COL21A1: variants seen among roughly 807,000 people sequenced by gnomAD.
COL21A1 encodes the protein collagen alpha-1(XXI) chain.
Under a neutral mutation model 137.9 loss-of-function variants are expected in COL21A1, and 149 were observed. That is an observed-to-expected ratio of 1.08 (90% CI 0.95 to 1.24). The LOEUF (loss-of-function observed/expected upper bound fraction) is 1.24, where lower values mean the gene tolerates loss of function less well. Among genes scored for constraint, COL21A1 ranks in the 50% most tolerant of loss-of-function variants. COL21A1 has a pLI of 0.00. For missense variants in COL21A1, 1,167 were observed against 1,158.4 expected, an observed-to-expected ratio of 1.01 and a Z score of -0.11; for synonymous variants, 456 against 391.5, an observed-to-expected ratio of 1.16 and a Z score of -1.95.
In COL21A1 at chr6:56,234,344, T is replaced by C. The variant is rs1247142410; in HGVS notation, c.-39+13043A>G. Among the ~76,000 whole-genome samples, 3 of 151,590 alleles carry C rather than the reference T, an allele frequency of 2.0e-5. No individual in the cohort carries two copies. In the East Asian group the frequency reaches 5.8e-4, roughly 29 times the overall value. On this transcript the variant is annotated intron_variant, in intron 1 of 29. Transcript: ENST00000244728. ...AAGAAAATAAATATAGTATGAAAAA[T>C]AGAATTCAAAGCAAAAGTATTAAAC...
chr6:56,198,622 T>C (rs1033896201), intron 1 of COL21A1, among the ~76,000 whole-genome samples: 2 of 152,032 alleles, frequency 1.3e-5, no homozygotes, highest in African/African-American at 4.8e-5. Flanking sequence ...AATGGCATAC[T>C]AAGCAAACAA....
At chr6:56,099,933 C>T (rs1770300890) in intron 17 of COL21A1, among the ~76,000 whole-genome samples, 1 of 152,148 alleles carries the variant, frequency 6.6e-6, no homozygotes, top group Non-Finnish European at 1.5e-5. Flanking sequence ...GTTTCTTCTC[C>T]TTTCCAATCA....
intron 3 of COL21A1, among the ~76,000 whole-genome samples, chr6:56,172,061 G>A (rs72876019): frequency 1.0e-4 from 10 of 99,180 alleles, no homozygotes; most frequent in South Asian, 3.4e-4. Flanking sequence ...TGCATTTTGC[G>A]AGTTCCAGAA....
chr6:56,157,072 T>TTAAAA, intron 9 of COL21A1, 123 bp from the exon 10 acceptor site: 2 of 496,160 alleles, frequency 4.0e-6, no homozygotes. Flanking sequence ...AAAACAAAAG[T>TTAAAA]AAAAAAAAAA....
chr6:56,066,748 A>G (rs571699270), intron 23 of COL21A1, among the ~76,000 whole-genome samples: 2 of 151,866 alleles, frequency 1.3e-5, no homozygotes, highest in Admixed American at 6.6e-5. Context: ...CTGAAGTAGT[A>G]AAATAGGTCT....
intron 1 of COL21A1, among the ~76,000 whole-genome samples, chr6:56,371,905 C>G (rs890650186): frequency 1.3e-5 from 2 of 152,138 alleles, no homozygotes; most frequent in African/African-American, 4.8e-5. Flanking sequence ...AATCCACACC[C>G]AAGTCCCTGC....
chr6:56,340,319 C>T (rs1269605860), intron 1 of COL21A1, among the ~76,000 whole-genome samples: 1 of 152,002 alleles, frequency 6.6e-6, no homozygotes, highest in East Asian at 1.9e-4. Context: ...GCTATCAATC[C>T]ATGAAAAGAC....
At chr6:56,074,062 G>C (rs1766995090) in intron 20 of COL21A1, among the ~76,000 whole-genome samples, 170 bp downstream of exon 20, 1 of 151,430 alleles carries the variant, frequency 6.6e-6, no homozygotes, top group South Asian at 2.1e-4. Flanking sequence ...ACTTTAGCCT[G>C]TTTCTTAGGC....
At chr6:56,319,880 T>G (rs889086608) in intron 1 of COL21A1, among the ~76,000 whole-genome samples, 19 of 152,262 alleles carry the variant, frequency 1.2e-4, no homozygotes, top group African/African-American at 3.8e-4. Flanking sequence ...TTCCTCCATT[T>G]GAATTTCTCC....
chr6:56,251,690 T>C (rs192759360), upstream of COL21A1, among the ~76,000 whole-genome samples: 5 of 152,360 alleles, frequency 3.3e-5, no homozygotes, highest in East Asian at 9.6e-4. Context: ...ATGTCTAGTC[T>C]AGTGAATGAA....
At chr6:56,173,536 T>C (rs1041516083) in intron 3 of COL21A1, among the ~76,000 whole-genome samples, 4 of 152,090 alleles carry the variant, frequency 2.6e-5, no homozygotes, top group Admixed American at 6.5e-5. Context: ...AGATATTCCA[T>C]GCAAATGGTA....
At chr6:56,237,933 A>G (rs555588249) in intron 1 of COL21A1, among the ~76,000 whole-genome samples, 2 of 152,240 alleles carry the variant, frequency 1.3e-5, no homozygotes, top group South Asian at 4.1e-4. Context: ...GCCTCAGTTC[A>G]TTCAATTCAA....
At chr6:56,329,242 A>T in intron 1 of COL21A1, among the ~76,000 whole-genome samples, 1 of 152,006 alleles carries the variant, frequency 6.6e-6, no homozygotes, top group East Asian at 1.9e-4. Flanking sequence ...TGACTATCTT[A>T]AATATTTTGT....
At chr6:56,309,001 T>C (rs965026466) in intron 1 of COL21A1, among the ~76,000 whole-genome samples, 10 of 152,082 alleles carry the variant, frequency 6.6e-5, no homozygotes, top group African/African-American at 2.4e-4. Context: ...GAGACTTCCA[T>C]TTGACCTTCG....
intron 17 of COL21A1, among the ~76,000 whole-genome samples, chr6:56,095,583 G>A (rs917344836): frequency 3.9e-5 from 6 of 152,140 alleles, no homozygotes; most frequent in African/African-American, 1.2e-4. Context: ...ATCCCTAAAA[G>A]CTCACCTACT....
chr6:56,197,952 TAA>T (rs1450790052), intron 1 of COL21A1, among the ~76,000 whole-genome samples: 3 of 152,026 alleles, frequency 2.0e-5, no homozygotes, highest in Non-Finnish European at 4.4e-5. Flanking sequence ...GGAAACAACC[TAA>T]GTGTTCATCA....
At chr6:56,093,709 T>C (rs1769066649) in intron 17 of COL21A1, among the ~76,000 whole-genome samples, 1 of 152,134 alleles carries the variant, frequency 6.6e-6, no homozygotes. Flanking sequence ...TATAAAAATT[T>C]TGAGCGTCCA....
At chr6:56,386,597 GTTGT>G in intron 1 of COL21A1, among the ~76,000 whole-genome samples, 1 of 151,594 alleles carries the variant, frequency 6.6e-6, no homozygotes, top group East Asian at 1.9e-4. Context: ...ACTTGTTGTT[GTTGT>G]TTTTTTTTAA....
chr6:56,321,839 T>C, intron 1 of COL21A1, among the ~76,000 whole-genome samples: 1 of 152,160 alleles, frequency 6.6e-6, no homozygotes, highest in East Asian at 1.9e-4. Flanking sequence ...TCACCCATTC[T>C]TCTATGGTCG....
Sources: allele counts gnomAD v4.1 joint callset (sites outside exome capture counted in the v4.1 genomes callset), GRCh38; gene constraint gnomAD v4.1.1; transcripts MANE v1.5; gene names NCBI Gene and HGNC (gene_info 2026-07-23, HGNC 2026-07-21).